The following SAMMSON variants were observed in gnomAD, a reference collection of about 807,000 sequenced individuals.
SAMMSON encodes survival associated mitochondrial melanoma specific oncogenic non-coding RNA, also known as long intergenic non-protein coding RNA 1212.
At chr3:70,290,139 C>T (rs1035745502) in intron 6 of SAMMSON, among the ~76,000 whole-genome samples, 2 of 152,118 alleles carry the variant, frequency 1.3e-5, no homozygotes, top group Non-Finnish European at 2.9e-5. Context: ...AGGCGCTCTG[C>T]TTTTTAGAGT....
chr3:70,016,476 C>G lies in SAMMSON; in HGVS notation n.417+2804C>G, dbSNP rs915895845. ...ACTTTGTTTGAGTTCATTGTAGATT[C>G]TGGATATTAGCCCTTTGTCAGATGA... On this transcript the variant is annotated intron_variant and non_coding_transcript_variant, in intron 3 of 9. Transcript: ENST00000642114. Among the ~76,000 whole-genome samples, 3 of 152,034 alleles carry G rather than the reference C, an allele frequency of 2.0e-5. No homozygotes were observed. In the East Asian group the frequency reaches 5.8e-4, roughly 29 times the overall value.
At chr3:70,273,358 A>C (rs1701992889) in intron 6 of SAMMSON, among the ~76,000 whole-genome samples, 1 of 152,170 alleles carries the variant, frequency 6.6e-6, no homozygotes, top group Non-Finnish European at 1.5e-5. Context: ...TCTTCGTAAA[A>C]ATGAGATGCT....
rs1363355025 is a variant in SAMMSON, at chr3:70,186,990, T to C, written n.508-62117T>C. Among the ~76,000 whole-genome samples, 6 of 152,270 alleles carry C rather than the reference T, an allele frequency of 3.9e-5. No individual in the cohort carries two copies. In the East Asian group the frequency reaches 1.2e-3, roughly 29 times the overall value. On this transcript the variant is annotated intron_variant and non_coding_transcript_variant, in intron 4 of 9. Coordinates refer to ENST00000642114, the Ensembl canonical transcript of SAMMSON. ...AGTCAATGTCTTCTCCTGTTCTAGC[T>C]GGGGACTACTGTGTGGACTGGCTGC...
intron 2 of SAMMSON, among the ~76,000 whole-genome samples, chr3:70,421,784 G>T (rs186073143): frequency 2.6e-5 from 4 of 152,052 alleles, no homozygotes; most frequent in Admixed American, 2.6e-4. Context: ...TCAAATGCTT[G>T]GTCTTAATTA....
chr3:70,210,729 A>C (rs1330525424), intron 4 of SAMMSON, among the ~76,000 whole-genome samples: 2 of 152,100 alleles, frequency 1.3e-5, no homozygotes, highest in Non-Finnish European at 2.9e-5. Flanking sequence ...TTTTACCAAT[A>C]GTTAAAAACA....
chr3:70,328,413 G>C (rs2106721177), intron 7 of SAMMSON, among the ~76,000 whole-genome samples: 1 of 152,252 alleles, frequency 6.6e-6, no homozygotes, highest in East Asian at 1.9e-4. Context: ...ACAGCAAATA[G>C]AACTATGTAT....
chr3:70,196,587 C>T (rs183031538), intron 4 of SAMMSON, among the ~76,000 whole-genome samples: 1 of 152,262 alleles, frequency 6.6e-6, no homozygotes. Context: ...AGGTTGAATC[C>T]ATAATGCAAG....
intron 4 of SAMMSON, among the ~76,000 whole-genome samples, chr3:70,168,793 A>G (rs553153448): frequency 2.6e-5 from 4 of 152,024 alleles, no homozygotes; most frequent in South Asian, 4.1e-4. Flanking sequence ...GTTTCTCATC[A>G]TTGTAATTTC....
chr3:70,079,006 T>A (rs375902560), intron 4 of SAMMSON, among the ~76,000 whole-genome samples: 1 of 152,236 alleles, frequency 6.6e-6, no homozygotes, highest in Non-Finnish European at 1.5e-5. Context: ...CGTGCTCTTC[T>A]TTTATGTACT....
At chr3:70,313,414 G>A (rs999012392) in intron 7 of SAMMSON, among the ~76,000 whole-genome samples, 4 of 151,750 alleles carry the variant, frequency 2.6e-5, no homozygotes, top group African/African-American at 9.7e-5. Flanking sequence ...GGAGGTCGGG[G>A]CAGCAGTGAG....
intron 4 of SAMMSON, among the ~76,000 whole-genome samples, chr3:70,146,496 G>T (rs1341503004): frequency 6.6e-6 from 1 of 151,830 alleles, no homozygotes; most frequent in Non-Finnish European, 1.5e-5. Context: ...GGTACTGCAA[G>T]GCTGGTTCAA....
intron 7 of SAMMSON, among the ~76,000 whole-genome samples, chr3:70,312,395 T>C (rs1360023875): frequency 6.6e-6 from 1 of 152,210 alleles, no homozygotes; most frequent in Non-Finnish European, 1.5e-5. Context: ...CAGGAATTTA[T>C]TGGGTGGGAA....
At chr3:70,080,442 T>C (rs926971448) in intron 4 of SAMMSON, among the ~76,000 whole-genome samples, 3 of 152,304 alleles carry the variant, frequency 2.0e-5, no homozygotes, top group African/African-American at 7.2e-5. Flanking sequence ...GAAACAGCAA[T>C]GATTGAAACA....
chr3:70,338,885 G>A (rs968039658), intron 7 of SAMMSON, among the ~76,000 whole-genome samples: 2 of 152,104 alleles, frequency 1.3e-5, no homozygotes, highest in African/African-American at 4.8e-5. Context: ...TTTCTTTGCA[G>A]AATTGGAAAA....
At chr3:70,075,473 A>G (rs1397203410) in intron 4 of SAMMSON, 3 of 152,154 alleles carry the variant, frequency 2.0e-5, no homozygotes, top group Admixed American at 2.0e-4. Flanking sequence ...TTCATACTCC[A>G]AACCAAATAA....
At chr3:70,265,619 G>C (rs1024783981) in intron 6 of SAMMSON, among the ~76,000 whole-genome samples, 2 of 152,212 alleles carry the variant, frequency 1.3e-5, no homozygotes, top group African/African-American at 4.8e-5. Flanking sequence ...GCAAAGGTAA[G>C]CAGATAAGGG....
intron 4 of SAMMSON, among the ~76,000 whole-genome samples, chr3:70,229,293 A>C (rs2106743105): frequency 6.6e-6 from 1 of 152,312 alleles, no homozygotes; most frequent in South Asian, 2.1e-4. Flanking sequence ...GTGGGCAACC[A>C]TGTCAGTGCC....
chr3:70,016,977 T>A (rs1309064911), intron 3 of SAMMSON, among the ~76,000 whole-genome samples: 1 of 152,182 alleles, frequency 6.6e-6, no homozygotes, highest in East Asian at 1.9e-4. Context: ...CCATGCTGTT[T>A]TGGTTACTGT....
chr3:70,411,410 ATAGT>A (rs1701217050), intron 2 of SAMMSON, among the ~76,000 whole-genome samples: 1 of 152,230 alleles, frequency 6.6e-6, no homozygotes, highest in South Asian at 2.1e-4. Flanking sequence ...CTACAGCAAC[ATAGT>A]TAGGTGAGAA....
Sources: gnomAD v4.1 joint callset for allele counts (sites outside exome capture counted in the v4.1 genomes callset) on GRCh38, gnomAD v4.1.1 for gene constraint, MANE v1.5 for transcripts, NCBI Gene and HGNC (gene_info 2026-07-23, HGNC 2026-07-21) for gene names.